NCALD: variants seen among roughly 807,000 people sequenced by gnomAD.
NCALD encodes the protein neurocalcin-delta.
A neutral mutation model predicts 18.6 loss-of-function variants in NCALD; 10 were observed. That is an observed-to-expected ratio of 0.54 (90% CI 0.33 to 0.91). The LOEUF (loss-of-function observed/expected upper bound fraction) is 0.91. Among genes scored for constraint, NCALD ranks in the 40% least tolerant of loss-of-function variants. NCALD has a pLI of 0.03. For missense variants in NCALD, 184 were observed against 247.6 expected (o/e 0.74, Z 1.72); for synonymous variants, 88 against 87.4 (o/e 1.01, Z -0.04).
At chr8:101,840,642 G>A (rs768524555) in intron 4 of NCALD, among the ~76,000 whole-genome samples, 7 of 152,098 alleles carry the variant, frequency 4.6e-5, no homozygotes, top group Non-Finnish European at 1.0e-4. Flanking sequence ...AGCAGGACAA[G>A]CTACATATTT....
At chr8:102,029,821 C>T (rs1466114792) in intron 1 of NCALD, among the ~76,000 whole-genome samples, 1 of 152,142 alleles carries the variant, frequency 6.6e-6, no homozygotes, top group Admixed American at 6.6e-5. Context: ...TAATGCAAGT[C>T]CTTCTACTGC....
At chr8:101,938,925 C>A (rs1283041683) in intron 2 of NCALD, among the ~76,000 whole-genome samples, 1 of 152,194 alleles carries the variant, frequency 6.6e-6, no homozygotes, top group Non-Finnish European at 1.5e-5. Flanking sequence ...CATGTGTATT[C>A]ATTCAAAGGA....
intron 1 of NCALD, among the ~76,000 whole-genome samples, chr8:102,060,037 G>A (rs556449096): frequency 6.6e-6 from 1 of 152,346 alleles, no homozygotes; most frequent in South Asian, 2.1e-4. Context: ...CTGGAGTGCA[G>A]TGGTGCAATC....
chr8:101,886,560 T>A (rs530601233), intron 4 of NCALD, among the ~76,000 whole-genome samples: 1 of 152,360 alleles, frequency 6.6e-6, no homozygotes, highest in Admixed American at 6.5e-5. Context: ...GCCAATTTCC[T>A]AACTGTTCAA....
intron 2 of NCALD, among the ~76,000 whole-genome samples, chr8:101,988,311 CAT>C (rs1272172718): frequency 6.6e-6 from 1 of 151,956 alleles, no homozygotes; most frequent in Non-Finnish European, 1.5e-5. Flanking sequence ...AACAGATTAA[CAT>C]ATGCATGTAT....
At chr8:101,792,261 T>C (rs973465221), upstream of NCALD, among the ~76,000 whole-genome samples, 1 of 152,222 alleles carries the variant, frequency 6.6e-6, no homozygotes, top group African/African-American at 2.4e-5. Context: ...ATTACATTTG[T>C]GTCACTGTAA....
intron 2 of NCALD, among the ~76,000 whole-genome samples, chr8:102,003,436 A>T (rs1032267915): frequency 1.3e-5 from 2 of 152,226 alleles, no homozygotes; most frequent in African/African-American, 2.4e-5. Flanking sequence ...TTCACAGCCG[A>T]ATTCTACCAG....
chr8:101,892,738 C>T (rs550964220), intron 3 of NCALD, among the ~76,000 whole-genome samples: 4 of 150,248 alleles, frequency 2.7e-5, no homozygotes, highest in East Asian at 3.9e-4. Context: ...GGAGCTGATG[C>T]GATCAACTGG....
intron 1 of NCALD, among the ~76,000 whole-genome samples, chr8:101,728,879 G>C (rs1271080731): frequency 2.6e-5 from 4 of 152,150 alleles, no homozygotes; most frequent in Non-Finnish European, 5.9e-5. Flanking sequence ...GCCTAATTTG[G>C]GGCATGTAAT....
intron 2 of NCALD, among the ~76,000 whole-genome samples, chr8:101,957,088 T>C (rs1233396923): frequency 6.6e-6 from 1 of 152,176 alleles, no homozygotes; most frequent in African/African-American, 2.4e-5. Context: ...GAAAGTAATT[T>C]TGATTCTTGC....
At chr8:101,846,364 G>A (rs920779363) in intron 4 of NCALD, among the ~76,000 whole-genome samples, 6 of 152,138 alleles carry the variant, frequency 3.9e-5, no homozygotes, top group Non-Finnish European at 8.8e-5. Flanking sequence ...AGATCCTAGA[G>A]TAATACTTTT....
chr8:101,689,319 C>G lies in NCALD; in HGVS notation c.572G>C (p.Gly191Ala), dbSNP rs974804751. The part of the protein sequence containing the change: ...RLLQCDPSSA[G>A]QF ...TGGTGGGCGCAGGGCTCAGAACTGG[C>G]CGGCACTGCTCGGGTCGCACTGCAG... Residue 191 changes from glycine to alanine, a missense_variant, in exon 4 of 4, where the codon GGC becomes GCC. By Grantham distance (60) the Gly-to-Ala change is moderately conservative. Coordinates refer to ENST00000220931, the MANE Select transcript of NCALD (RefSeq NM_032041.3). This position sits in a 1 kb window ranked among gnomAD's most constrained non-coding sequence, Gnocchi z 4.4. 3.1e-6 allele frequency: 5 copies of G among 1,613,784 alleles called. No homozygotes were observed. Among genetic ancestry groups the G allele is most frequent in the Non-Finnish European group, 4.2e-6 (5 of 1,179,880 alleles).
At chr8:102,004,287 A>G (rs1260848313) in intron 2 of NCALD, among the ~76,000 whole-genome samples, 1 of 152,256 alleles carries the variant, frequency 6.6e-6, no homozygotes. Flanking sequence ...CAACTGCTTC[A>G]AAGAGAATAA....
At chr8:101,908,365 C>T (rs1415449658) in intron 3 of NCALD, among the ~76,000 whole-genome samples, 2 of 152,082 alleles carry the variant, frequency 1.3e-5, no homozygotes, top group Non-Finnish European at 2.9e-5. Flanking sequence ...TTTTTCTCGT[C>T]AAGCAGCAAA....
chr8:101,814,297 T>C (rs992689044), intron 4 of NCALD, among the ~76,000 whole-genome samples: 1 of 152,118 alleles, frequency 6.6e-6, no homozygotes, highest in Admixed American at 6.6e-5. Context: ...AAAATTATAC[T>C]CCATAACCAC....
chr8:101,953,974 T>C (rs1819528544), intron 2 of NCALD, among the ~76,000 whole-genome samples: 1 of 152,176 alleles, frequency 6.6e-6, no homozygotes, highest in Admixed American at 6.5e-5. Flanking sequence ...CTCCAGGTAG[T>C]CAGCAACAGA....
intron 1 of NCALD, among the ~76,000 whole-genome samples, chr8:102,095,018 T>A (rs72681117): frequency 7.9e-4 from 120 of 152,358 alleles, no homozygotes; most frequent in Non-Finnish European, 1.6e-3. Flanking sequence ...TGTTGTTTTA[T>A]GCCACTCAAT....
At chr8:101,994,393 GT>G (rs1423400020) in intron 2 of NCALD, among the ~76,000 whole-genome samples, 1 of 152,088 alleles carries the variant, frequency 6.6e-6, no homozygotes, top group Non-Finnish European at 1.5e-5. Flanking sequence ...GCCCAGCAGA[GT>G]TTTTCCCTGT....
rs141371875 is a variant in NCALD at position 101,687,490 on chromosome 8, T to A, written c.*1819A>T. ...TTTTACAGAGTCTAGGTCTCAAAATTTCACCCTATGGATTTGGTTCTTTTT... is the reference window on the plus strand; with the variant it reads ...TTTTACAGAGTCTAGGTCTCAAAATATCACCCTATGGATTTGGTTCTTTTT... On this transcript the variant is annotated 3_prime_UTR_variant, in exon 4 of 4. Coordinates refer to ENST00000220931, the MANE Select transcript of NCALD (RefSeq NM_032041.3). 6.6e-6 allele frequency: 1 copy of A among 152,612 alleles called. No homozygotes were observed. Among genetic ancestry groups the A allele is most frequent in the African/African-American group, 2.4e-5 (1 of 41,426 alleles). 9.5% of individuals were successfully genotyped at this position (152,612 alleles called of 1,614,324 possible).
Sources: gnomAD v4.1 joint callset for allele counts (sites outside exome capture counted in the v4.1 genomes callset) on GRCh38, gnomAD v4.1.1 for gene constraint, Gnocchi (gnomAD v3.1) non-coding constraint, MANE v1.5 for transcripts, NCBI Gene and HGNC (gene_info 2026-07-23, HGNC 2026-07-21) for gene names.